Variants in SORCS3 observed in about 807,000 individuals in gnomAD.
The protein encoded by SORCS3 is VPS10 domain-containing receptor SorCS3.
A neutral mutation model predicts 146.3 loss-of-function variants in SORCS3; 57 were observed. The observed-to-expected ratio is 0.39, with a 90% CI of 0.31 to 0.49. The LOEUF (loss-of-function observed/expected upper bound fraction) is 0.49. Among genes scored for constraint, SORCS3 ranks in the 20% least tolerant of loss-of-function variants. SORCS3 has a pLI of 0.92. For missense variants in SORCS3, 1,341 were observed against 1,575.5 expected (o/e 0.85, Z 2.52); for synonymous variants, 653 against 618.5 (o/e 1.06, Z -0.83).
At chr10:105,129,025 T>A (rs1023831619) in intron 7 of SORCS3, among the ~76,000 whole-genome samples, 2 of 152,146 alleles carry the variant, frequency 1.3e-5, no homozygotes, top group Non-Finnish European at 2.9e-5. Flanking sequence ...AAATCACAGA[T>A]GTTACAATGT....
At chr10:104,889,232 G>A (rs1205248541) in intron 2 of SORCS3, among the ~76,000 whole-genome samples, 3 of 147,110 alleles carry the variant, frequency 2.0e-5, no homozygotes, top group African/African-American at 7.5e-5. Flanking sequence ...AGACTCTAAA[G>A]GCTCCAGTGA....
intron 7 of SORCS3, among the ~76,000 whole-genome samples, chr10:105,114,970 G>A (rs144978267): frequency 1.0e-3 from 159 of 152,252 alleles, no homozygotes; most frequent in African/African-American, 3.7e-3. Flanking sequence ...GTTATAAAGT[G>A]TTGGGAGATG....
At chr10:105,095,405 T>C (rs764957605) in intron 6 of SORCS3, among the ~76,000 whole-genome samples, 7 of 152,158 alleles carry the variant, frequency 4.6e-5, no homozygotes, top group Non-Finnish European at 8.8e-5. Context: ...TAACATCCTG[T>C]ACCCTGCTTC....
intron 1 of SORCS3, among the ~76,000 whole-genome samples, chr10:104,814,195 A>G (rs181105338): frequency 6.6e-6 from 1 of 152,208 alleles, no homozygotes; most frequent in Non-Finnish European, 1.5e-5. Flanking sequence ...CTTTTTGTGG[A>G]AAATGGGGTT....
At chr10:104,960,065 T>G (rs1269873320) in intron 3 of SORCS3, among the ~76,000 whole-genome samples, 2 of 152,144 alleles carry the variant, frequency 1.3e-5, no homozygotes, top group Admixed American at 1.3e-4. Context: ...TTTAGATGTT[T>G]GAGGGCCCGT....
intron 20 of SORCS3, among the ~76,000 whole-genome samples, chr10:105,225,956 G>A (rs564858388): frequency 5.9e-5 from 9 of 152,016 alleles, no homozygotes; most frequent in South Asian, 2.1e-4. Flanking sequence ...AGATTTAAGA[G>A]TTTTTTCATG....
chr10:105,199,174 G>A (rs1313463402), intron 14 of SORCS3, among the ~76,000 whole-genome samples: 1 of 151,496 alleles, frequency 6.6e-6, no homozygotes, highest in Non-Finnish European at 1.5e-5. Context: ...TATGATAGAT[G>A]TCTTGCATTG....
chr10:104,659,791 T>G (rs2133246661), intron 1 of SORCS3, among the ~76,000 whole-genome samples: 1 of 152,338 alleles, frequency 6.6e-6, no homozygotes, highest in Middle Eastern at 3.4e-3. Context: ...TGGTTATTGT[T>G]AGATAAGAGG....
At chr10:104,827,787 C>T (rs553226384) in intron 1 of SORCS3, among the ~76,000 whole-genome samples, 4 of 152,298 alleles carry the variant, frequency 2.6e-5, no homozygotes, top group African/African-American at 9.6e-5. Context: ...ATAGTGTAGC[C>T]ACCTTCATTA....
intron 20 of SORCS3, among the ~76,000 whole-genome samples, chr10:105,244,833 C>T (rs1226363235): frequency 1.3e-5 from 2 of 151,960 alleles, no homozygotes; most frequent in African/African-American, 4.8e-5. Context: ...CTTTGGGAGA[C>T]TGAGGTGGGT....
At chr10:104,887,959 C>A (rs1463321760) in intron 2 of SORCS3, among the ~76,000 whole-genome samples, 2 of 6,582 alleles carry the variant, frequency 3.0e-4, no homozygotes, top group Non-Finnish European at 8.2e-4. Context: ...ATGGTGGGGG[C>A]GGGGGGGCGG....
chr10:105,037,044 T>A (rs2055311256), intron 4 of SORCS3, among the ~76,000 whole-genome samples: 1 of 152,180 alleles, frequency 6.6e-6, no homozygotes, highest in African/African-American at 2.4e-5. Context: ...AAAGATCCCA[T>A]GAAGTCACAT....
intron 20 of SORCS3, among the ~76,000 whole-genome samples, chr10:105,233,215 G>A (rs1564791054): frequency 6.6e-6 from 1 of 151,744 alleles, no homozygotes; most frequent in Non-Finnish European, 1.5e-5. Flanking sequence ...TTCAATAGTA[G>A]TGAGAGTGGC....
chr10:104,863,456 A>C (rs1428799074), intron 2 of SORCS3, among the ~76,000 whole-genome samples: 1 of 152,166 alleles, frequency 6.6e-6, no homozygotes, highest in East Asian at 1.9e-4. Flanking sequence ...ATCCTAGCCC[A>C]GCATCCTCTC....
chr10:105,089,412 C>G (rs1589626830), intron 5 of SORCS3, among the ~76,000 whole-genome samples: 1 of 152,070 alleles, frequency 6.6e-6, no homozygotes, highest in Non-Finnish European at 1.5e-5. Flanking sequence ...AAAGTTAAGA[C>G]AGAGGAGATA....
intron 1 of SORCS3, among the ~76,000 whole-genome samples, chr10:104,784,277 G>A (rs2133494715): frequency 6.6e-6 from 1 of 152,266 alleles, no homozygotes; most frequent in Non-Finnish European, 1.5e-5. Context: ...ACTTGGTGGT[G>A]GGGTGGGAGG....
At chr10:104,668,375 T>C (rs2015809897) in intron 1 of SORCS3, among the ~76,000 whole-genome samples, 1 of 152,120 alleles carries the variant, frequency 6.6e-6, no homozygotes, top group Non-Finnish European at 1.5e-5. Context: ...AAGTGTTACA[T>C]GGGGAGTGAA....
chr10:104,767,656 G>A (rs1440004507), intron 1 of SORCS3, among the ~76,000 whole-genome samples: 34 of 86,156 alleles, frequency 3.9e-4, no homozygotes, highest in Middle Eastern at 0.013. Context: ...TCCACTCCCC[G>A]TTCCCCTTCC....
At chr10:104,778,146 T>C (rs958346465) in intron 1 of SORCS3, among the ~76,000 whole-genome samples, 4 of 152,200 alleles carry the variant, frequency 2.6e-5, no homozygotes, top group African/African-American at 7.2e-5. Flanking sequence ...AAAGGACAAA[T>C]GTCTTAGACG....
Sources: allele counts gnomAD v4.1 joint callset (sites outside exome capture counted in the v4.1 genomes callset), GRCh38; gene constraint gnomAD v4.1.1; transcripts MANE v1.5; gene names NCBI Gene and HGNC (gene_info 2026-07-23, HGNC 2026-07-21).